The following NCAPH variants were observed in gnomAD, a reference collection of about 807,000 sequenced individuals.
The protein encoded by NCAPH is non-SMC condensin I complex subunit H.
In NCAPH, 38 loss-of-function variants were observed where a neutral mutation model predicts 85.5. The ratio of observed to expected loss-of-function variants is 0.44; its 90% CI spans 0.34 to 0.58. The LOEUF (loss-of-function observed/expected upper bound fraction) is 0.58. Ranked by LOEUF, NCAPH falls within the 20% of genes least tolerant of loss-of-function variation. The pLI is 0.01. For synonymous variants in NCAPH, 301 were observed against 335.1 expected, an observed-to-expected ratio of 0.90 and a Z score of 1.11; for missense variants, 789 against 916.6, an observed-to-expected ratio of 0.86 and a Z score of 1.80.
At chr2:96,360,838 C>T (rs62153915) in intron 12 of NCAPH, 128 bp downstream of exon 12, 393,643 of 1,188,640 alleles carry the variant, frequency 0.33, 71,351 homozygotes, top group South Asian at 0.68. Flanking sequence ...AGCGTGTTGC[C>T]AGGAAATCAA....
chr2:96,368,431 T>C (rs1455921794), intron 15 of NCAPH, among the ~76,000 whole-genome samples: 2 of 152,006 alleles, frequency 1.3e-5, no homozygotes, highest in Admixed American at 1.3e-4. Context: ...CCGAGGTGGG[T>C]GGATCATGAG....
At chr2:96,337,421 T>C (rs1030425239) in intron 1 of NCAPH, among the ~76,000 whole-genome samples, 2 of 152,222 alleles carry the variant, frequency 1.3e-5, no homozygotes, top group Admixed American at 1.3e-4. Flanking sequence ...TGTTGTTTTT[T>C]GTTTTTTGTT....
intron 6 of NCAPH, 144 bp downstream of exon 6, chr2:96,344,373 C>A: frequency 2.3e-6 from 2 of 885,600 alleles, no homozygotes; most frequent in Non-Finnish European, 3.1e-6. Flanking sequence ...TCTGCATTAT[C>A]ATCTTTTAGC....
At chr2:96,346,180 G>A (rs147834336) in intron 6 of NCAPH, among the ~76,000 whole-genome samples, 107 of 152,188 alleles carry the variant, frequency 7.0e-4, no homozygotes, top group African/African-American at 2.2e-3. Flanking sequence ...GTGCACTCAT[G>A]GGGGAGCCTT....
At chr2:96,350,848 C>T (rs189549026) in intron 6 of NCAPH, among the ~76,000 whole-genome samples, 1 of 152,310 alleles carries the variant, frequency 6.6e-6, no homozygotes, top group Non-Finnish European at 1.5e-5. Context: ...CTGTGAACCC[C>T]ATACCCAACC....
intron 6 of NCAPH, among the ~76,000 whole-genome samples, chr2:96,348,930 C>G (rs184518702): frequency 6.6e-6 from 1 of 151,942 alleles, no homozygotes; most frequent in African/African-American, 2.4e-5. Flanking sequence ...ATTACAGACG[C>G]GAGCCACCGC....
intron 9 of NCAPH, among the ~76,000 whole-genome samples, chr2:96,354,745 G>A (rs775816645): frequency 6.6e-6 from 1 of 152,184 alleles, no homozygotes; most frequent in Non-Finnish European, 1.5e-5. Flanking sequence ...CTGACTCAGA[G>A]GAATCACACC....
At chr2:96,343,121 G>GT (rs780293419) in intron 4 of NCAPH, 45 bp from the exon 5 acceptor site, 6 of 1,604,160 alleles carry the variant, frequency 3.7e-6, no homozygotes, top group Middle Eastern at 1.7e-4. Context: ...TTCAGAAGTT[G>GT]TTTTTTGTGT....
intron 1 of NCAPH, 181 bp from the exon 2 acceptor site, chr2:96,341,461 G>A: frequency 1.4e-6 from 1 of 693,786 alleles, no homozygotes; most frequent in Non-Finnish European, 2.4e-6. Flanking sequence ...GAAACCTATG[G>A]CCTCCCCCCT....
At chr2:96,341,186 G>GT in intron 1 of NCAPH, among the ~76,000 whole-genome samples, 1 of 152,246 alleles carries the variant, frequency 6.6e-6, no homozygotes, top group East Asian at 1.9e-4. Context: ...TGTTTATGTT[G>GT]TTTTTCCTCT....
chr2:96,360,305 T>G, intron 11 of NCAPH, 56 bp downstream of exon 11: 1 of 1,070,586 alleles, frequency 9.3e-7, no homozygotes, highest in Non-Finnish European at 1.4e-6. Flanking sequence ...TCAGATGTGA[T>G]TTTTTAAAAT....
chr2:96,353,893 CTG>C (rs1159657970), intron 8 of NCAPH, among the ~76,000 whole-genome samples: 1 of 152,320 alleles, frequency 6.6e-6, no homozygotes, highest in South Asian at 2.1e-4. Flanking sequence ...CCATGGAAAA[CTG>C]TTTTCTGCAA....
At chr2:96,349,474 T>G (rs1048548011) in intron 6 of NCAPH, among the ~76,000 whole-genome samples, 1 of 152,032 alleles carries the variant, frequency 6.6e-6, no homozygotes, top group African/African-American at 2.4e-5. Context: ...CTCCACCTCC[T>G]GGGTTCAAGC....
At chr2:96,341,197 G>T (rs2064289815) in intron 1 of NCAPH, among the ~76,000 whole-genome samples, 1 of 152,080 alleles carries the variant, frequency 6.6e-6, no homozygotes, top group Non-Finnish European at 1.5e-5. Flanking sequence ...TTTTTCCTCT[G>T]TCTGTTTGCC....
At chr2:96,335,968 G>C in intron 1 of NCAPH, 120 bp downstream of exon 1, 2 of 1,059,426 alleles carry the variant, frequency 1.9e-6, no homozygotes, top group South Asian at 4.9e-5. Context: ...TCGGGTCTTG[G>C]CCCTGCGGCT....
intron 6 of NCAPH, among the ~76,000 whole-genome samples, chr2:96,346,408 T>TTTGTTTTCAG (rs745969029): frequency 1.3e-5 from 2 of 152,132 alleles, no homozygotes; most frequent in Non-Finnish European, 2.9e-5. Flanking sequence ...TCAGCATTAT[T>TTTGTTTTCAG]TTGTGTCTCT....
At chr2:96,353,232 A>G (rs2064470911) in intron 7 of NCAPH, 74 bp from the exon 8 acceptor site, 5 of 1,223,084 alleles carry the variant, frequency 4.1e-6, no homozygotes, top group Admixed American at 1.8e-5. Flanking sequence ...CCCACTCAGT[A>G]TCATTCTGAA....
intron 6 of NCAPH, among the ~76,000 whole-genome samples, chr2:96,345,591 CAG>C (rs894786616): frequency 6.6e-6 from 1 of 152,176 alleles, no homozygotes; most frequent in Non-Finnish European, 1.5e-5. Context: ...TAAACCCTAA[CAG>C]GGAGCTGCCG....
rs1437544017 is a variant in NCAPH at position 96,359,043 on chromosome 2, A to G, written c.1209-2A>G. The G allele has an allele frequency of 6.2e-7, 1 of 1,613,978 alleles. No individual in the cohort carries two copies. Among genetic ancestry groups the G allele is most frequent in the Admixed American group, 1.7e-5 (1 of 59,996 alleles). Reference sequence around the variant, plus strand: ...GTACATGTACAAATATGTGTGTTACAGGGAAGAAATGATTTCCCTTGGGGA... The same window carrying G: ...GTACATGTACAAATATGTGTGTTACGGGGAAGAAATGATTTCCCTTGGGGA... On this transcript the variant is annotated splice_acceptor_variant, in intron 9 of 17. Coordinates refer to ENST00000240423, the MANE Select transcript of NCAPH (RefSeq NM_015341.5). LOFTEE classifies it high-confidence loss of function.
Sources: allele counts gnomAD v4.1 joint callset (sites outside exome capture counted in the v4.1 genomes callset), GRCh38; gene constraint gnomAD v4.1.1; transcripts MANE v1.5; gene names NCBI Gene and HGNC (gene_info 2026-07-23, HGNC 2026-07-21).